Variants in EBF2 observed in about 807,000 individuals in gnomAD.
The protein encoded by EBF2 is transcription factor COE2.
EBF2 carries 21 observed loss-of-function variants against 72.8 expected under a neutral mutation model. The ratio of observed to expected loss-of-function variants is 0.29; its 90% CI spans 0.20 to 0.42. The LOEUF is 0.42. Among genes scored for constraint, EBF2 ranks in the 10% least tolerant of loss-of-function variants. The pLI, the probability that EBF2 is intolerant of heterozygous loss-of-function variation, is 1.00. For missense variants in EBF2, 637 were observed against 731.2 expected (o/e 0.87, Z 1.49); for synonymous variants, 299 against 274.2 (o/e 1.09, Z -0.89).
At chr8:25,850,903 CA>C in intron 14 of EBF2, 142 bp from the exon 15 acceptor site, 2 of 859,822 alleles carry the variant, frequency 2.3e-6, no homozygotes, top group Non-Finnish European at 3.4e-6. Context: ...TTGAATGTGA[CA>C]ACATTCCCAC....
At chr8:26,004,706 T>C (rs1212204932) in intron 6 of EBF2, among the ~76,000 whole-genome samples, 1 of 147,068 alleles carries the variant, frequency 6.8e-6, no homozygotes, top group Non-Finnish European at 1.5e-5. Context: ...AAAAGTAGGT[T>C]TAAAACAAAG....
At chr8:26,038,898 A>T (rs1444541201) in intron 5 of EBF2, among the ~76,000 whole-genome samples, 1 of 152,218 alleles carries the variant, frequency 6.6e-6, no homozygotes, top group African/African-American at 2.4e-5. Flanking sequence ...GCTGCCCGTA[A>T]AACAGTACAC....
At chr8:25,875,955 T>C (rs973403301) in intron 10 of EBF2, among the ~76,000 whole-genome samples, 1 of 152,174 alleles carries the variant, frequency 6.6e-6, no homozygotes, top group Non-Finnish European at 1.5e-5. Context: ...TAAAGATACA[T>C]GCACGCGTAT....
intron 6 of EBF2, among the ~76,000 whole-genome samples, chr8:26,023,501 C>A (rs1171250388): frequency 6.6e-6 from 1 of 152,148 alleles, no homozygotes; most frequent in Non-Finnish European, 1.5e-5. Flanking sequence ...GGGAATTGAT[C>A]CAGAGGTCTT....
intron 6 of EBF2, among the ~76,000 whole-genome samples, chr8:25,920,465 A>G (rs141591927): frequency 1.3e-5 from 2 of 152,326 alleles, no homozygotes; most frequent in African/African-American, 4.8e-5. Flanking sequence ...TTGACAGGCA[A>G]GAGGTTTTGC....
chr8:25,857,022 C>G (rs977580285), intron 14 of EBF2, among the ~76,000 whole-genome samples: 1 of 152,174 alleles, frequency 6.6e-6, no homozygotes, highest in Non-Finnish European at 1.5e-5. Context: ...ATAATTCCCC[C>G]AAACACTTTT....
intron 6 of EBF2, among the ~76,000 whole-genome samples, chr8:26,022,104 G>C (rs1463774072): frequency 6.6e-6 from 1 of 152,188 alleles, no homozygotes; most frequent in East Asian, 1.9e-4. Flanking sequence ...AGTACAGTTA[G>C]AAGCCTTGTA....
intron 6 of EBF2, among the ~76,000 whole-genome samples, chr8:25,941,452 C>T (rs1345588846): frequency 6.6e-6 from 1 of 152,120 alleles, no homozygotes; most frequent in Admixed American, 6.5e-5. Flanking sequence ...GTGATCTGCC[C>T]ACCTCGGCCT....
At chr8:26,001,036 C>T (rs1229419475) in intron 6 of EBF2, among the ~76,000 whole-genome samples, 1 of 152,192 alleles carries the variant, frequency 6.6e-6, no homozygotes, top group Non-Finnish European at 1.5e-5. Flanking sequence ...CAGTCTTTAG[C>T]AAATGACTCC....
chr8:25,943,311 C>CAAAAA (rs71551840), intron 6 of EBF2, among the ~76,000 whole-genome samples: 114 of 58,220 alleles, frequency 2.0e-3, no homozygotes, highest in Middle Eastern at 8.9e-3. Context: ...TGTCTCTACA[C>CAAAAA]AAAAAAAAAA....
intron 6 of EBF2, 136 bp from the exon 7 acceptor site, chr8:25,908,691 G>A: frequency 1.5e-6 from 1 of 660,762 alleles, no homozygotes; most frequent in Non-Finnish European, 2.6e-6. Flanking sequence ...TGCCTGTGAA[G>A]GAACACTGCT....
chr8:25,896,394 C>T (rs933395115), intron 7 of EBF2, among the ~76,000 whole-genome samples: 3 of 152,170 alleles, frequency 2.0e-5, no homozygotes, highest in African/African-American at 4.8e-5. Flanking sequence ...TTATAGCACA[C>T]TCCACATTGA....
At chr8:25,922,102 G>A (rs184382248) in intron 6 of EBF2, among the ~76,000 whole-genome samples, 5 of 152,120 alleles carry the variant, frequency 3.3e-5, no homozygotes, top group Non-Finnish European at 7.4e-5. Context: ...ATGTAAATGG[G>A]GCAGATTCAT....
At chr8:25,926,598 GTCTGCATA>G (rs1653482049) in intron 6 of EBF2, among the ~76,000 whole-genome samples, 1 of 152,034 alleles carries the variant, frequency 6.6e-6, no homozygotes, top group Non-Finnish European at 1.5e-5. Context: ...AGTCCAGAAA[GTCTGCATA>G]TTGATCCCAT....
intron 7 of EBF2, among the ~76,000 whole-genome samples, chr8:25,908,004 C>T (rs755965838): frequency 1.3e-4 from 20 of 152,202 alleles, no homozygotes; most frequent in Non-Finnish European, 2.4e-4. Context: ...CTTGTTGTCA[C>T]GCTGCGATCT....
chr8:25,907,452 A>AATT (rs1491587217), intron 7 of EBF2, among the ~76,000 whole-genome samples: 74 of 132,096 alleles, frequency 5.6e-4, no homozygotes, highest in Non-Finnish European at 9.5e-4. Flanking sequence ...AAAAAAAAAA[A>AATT]ATTATTCAGA....
intron 6 of EBF2, among the ~76,000 whole-genome samples, chr8:25,957,328 C>A (rs1249931030): frequency 6.6e-6 from 1 of 152,160 alleles, no homozygotes; most frequent in African/African-American, 2.4e-5. Flanking sequence ...CAAACAAAGG[C>A]TCTAAAATAC....
intron 10 of EBF2, among the ~76,000 whole-genome samples, chr8:25,868,627 T>A (rs1339642090): frequency 6.6e-6 from 1 of 152,118 alleles, no homozygotes; most frequent in African/African-American, 2.4e-5. Flanking sequence ...GCTACAGACA[T>A]GCACCACATG....
Position 25,909,600 on chromosome 8 carries a change from T to A in EBF2, c.552-1045A>T, listed in dbSNP as rs370927383. On this transcript the variant is annotated intron_variant, in intron 6 of 15. Transcript: ENST00000520164. ...CTCAGGATTTACAAACAAAAATAAGTAGAAATCAACAATGCTTCCAAAAAT... is the reference window on the plus strand; with the variant it reads ...CTCAGGATTTACAAACAAAAATAAGAAGAAATCAACAATGCTTCCAAAAAT... 1.1e-4 allele frequency among the ~76,000 whole-genome samples: 16 copies of A among 152,312 alleles called. No homozygotes were observed. In the East Asian group the frequency reaches 1.9e-3, roughly 18 times the overall value.
Sources: gnomAD v4.1 joint callset for allele counts (sites outside exome capture counted in the v4.1 genomes callset) on GRCh38, gnomAD v4.1.1 for gene constraint, MANE v1.5 for transcripts, NCBI Gene and HGNC (gene_info 2026-07-23, HGNC 2026-07-21) for gene names.